The following SOS2 variants were observed in gnomAD, a reference collection of about 807,000 sequenced individuals.
SOS2 encodes son of sevenless homolog 2.
SOS2 carries 65 observed loss-of-function variants against 148.2 expected under a neutral mutation model. The observed-to-expected ratio is 0.44, with a 90% confidence interval of 0.36 to 0.54. The LOEUF (loss-of-function observed/expected upper bound fraction) is 0.54, where lower values mean the gene tolerates loss of function less well. SOS2 is among the 20% of genes least tolerant of loss of function. The probability of loss-of-function intolerance (pLI) is 0.00; values close to 1 mark genes in which losing one functional copy is unlikely to be tolerated. For missense variants in SOS2, 1,341 were observed against 1,590.2 expected, an observed-to-expected ratio of 0.84 and a Z score of 2.67; for synonymous variants, 539 against 537.1, an observed-to-expected ratio of 1.00 and a Z score of -0.05.
intron 14 of SOS2, among the ~76,000 whole-genome samples, chr14:50,145,990 G>A (rs950417962): frequency 6.6e-6 from 1 of 151,716 alleles, no homozygotes; most frequent in African/African-American, 2.4e-5. Flanking sequence ...AAAATTAGCC[G>A]GGCATGGTGG....
At chr14:50,185,363 T>C (rs920165980) in intron 5 of SOS2, among the ~76,000 whole-genome samples, 1 of 152,114 alleles carries the variant, frequency 6.6e-6, no homozygotes, top group African/African-American at 2.4e-5. Flanking sequence ...AATCCTCACA[T>C]ACGTTGTCAC....
At position 50,150,212 on chromosome 14, in the gene SOS2, C is replaced by A; in HGVS notation, c.2180G>T (p.Trp727Leu). 1 of 1,609,408 alleles carries A rather than the reference C, an allele frequency of 6.2e-7. No individual in the cohort carries two copies. Among genetic ancestry groups the A allele is most frequent in the Non-Finnish European group, 8.5e-7 (1 of 1,175,816 alleles). Reference protein sequence around the residue: ...SSVRGKAMKKWVESIAKIIRR... With the variant: ...SSVRGKAMKKLVESIAKIIRR... ...GATGATCTTAGCAATTGACTCTACCCATTTTTTCATAGCTTTCCCTGGAAA... is the reference window on the plus strand; with the variant it reads ...GATGATCTTAGCAATTGACTCTACCAATTTTTTCATAGCTTTCCCTGGAAA... The change falls in exon 14 of 23, where the codon TGG (tryptophan) becomes TTG (leucine). Residue 727 changes from tryptophan (W) to leucine (L), a missense_variant. Trp to Leu is a moderately conservative substitution (Grantham distance 61). This residue lies in a region of SOS2 where 408 missense variants were observed against 506.6 expected (regional missense o/e 0.81). Transcript: ENST00000216373.
chr14:50,209,572 G>A (rs1471872452), intron 1 of SOS2, among the ~76,000 whole-genome samples: 1 of 151,950 alleles, frequency 6.6e-6, no homozygotes, highest in African/African-American at 2.4e-5. Flanking sequence ...TTCAAGACCA[G>A]TCTGGGCAAC....
rs186137198 is a variant in SOS2 at position 50,229,035 on chromosome 14, C to A, written c.87+2162G>T. Among the ~76,000 whole-genome samples the A allele has an allele frequency of 1.8e-3, 267 of 152,182 alleles. 1 individual carries two copies. The highest frequency in any genetic ancestry group is 3.7e-3 in the Admixed American group (56 of 15,290). On this transcript the variant is annotated intron_variant, in intron 1 of 22. Transcript: ENST00000216373. ...TCTGAATGTGAAGACAGAGACTCCC[C>A]CAAAATGGTAGAAATTCTCATTTTA...
At chr14:50,181,330 C>T (rs1413748581) in intron 6 of SOS2, among the ~76,000 whole-genome samples, 2 of 152,016 alleles carry the variant, frequency 1.3e-5, no homozygotes, top group Admixed American at 1.3e-4. Context: ...CGCCTGTAAT[C>T]CCAGCTACTC....
In SOS2 at chr14:50,159,772, T is replaced by G. The variant is rs1884937142; in HGVS notation, c.1511A>C (p.Asp504Ala). 1 of 1,613,924 alleles carries G rather than the reference T, an allele frequency of 6.2e-7. No individual in the cohort carries two copies. The highest frequency in any genetic ancestry group is 8.5e-7 in the Non-Finnish European group (1 of 1,179,916). The part of the protein sequence containing the change: ...MRKIQICDKE[D>A]TCEHKHAFEL... Reference sequence around the variant, plus strand: ...AAATGCATGCTTGTGCTCACAAGTATCTTCTTTATCACAAATTTGTATTTT... The same window carrying G: ...AAATGCATGCTTGTGCTCACAAGTAGCTTCTTTATCACAAATTTGTATTTT... The change falls in exon 10 of 23, where the codon GAT becomes GCT. Residue 504 changes from aspartate to alanine, a missense_variant. By Grantham distance (126) the Asp-to-Ala change is moderately radical (BLOSUM62 -2). Coordinates refer to ENST00000216373, the MANE Select transcript of SOS2 (RefSeq NM_006939.4).
chr14:50,139,911 C>T (rs765613182), intron 17 of SOS2, 31 bp downstream of exon 17: 1 of 1,103,956 alleles, frequency 9.1e-7, no homozygotes, highest in South Asian at 1.3e-5. Flanking sequence ...ACACGCTCAC[C>T]CTCAAAATAT....
chr14:50,195,611 A>G (rs1460916273), intron 4 of SOS2, among the ~76,000 whole-genome samples: 5 of 152,008 alleles, frequency 3.3e-5, no homozygotes, highest in Non-Finnish European at 5.9e-5. Flanking sequence ...GAATTTAGAA[A>G]TTAGCTGGGC....
At chr14:50,192,801 T>C (rs903042189) in intron 4 of SOS2, among the ~76,000 whole-genome samples, 1 of 152,020 alleles carries the variant, frequency 6.6e-6, no homozygotes, top group African/African-American at 2.4e-5. Context: ...GAGGCAGAGG[T>C]TGCAGTGAGC....
intron 1 of SOS2, among the ~76,000 whole-genome samples, chr14:50,207,080 T>C (rs149140900): frequency 1.0e-3 from 155 of 152,324 alleles, no homozygotes; most frequent in Middle Eastern, 6.8e-3. Flanking sequence ...CCTGGCTTCA[T>C]TGACAAACTC....
chr14:50,209,570 C>T (rs1358931875), intron 1 of SOS2, among the ~76,000 whole-genome samples: 1 of 151,842 alleles, frequency 6.6e-6, no homozygotes, highest in Non-Finnish European at 1.5e-5. Context: ...AGTTCAAGAC[C>T]AGTCTGGGCA....
At chr14:50,180,016 A>T (rs7140267) in intron 7 of SOS2, among the ~76,000 whole-genome samples, 131,685 of 150,460 alleles carry the variant, frequency 0.88, 57,449 homozygotes, top group African/African-American at 0.92. Flanking sequence ...TTTTCTATTT[A>T]TTTTTTGAGA....
chr14:50,189,344 A>AAAAAAAAAAAAAAAAAC (rs1886044003), intron 4 of SOS2, among the ~76,000 whole-genome samples: 1 of 147,310 alleles, frequency 6.8e-6, no homozygotes, highest in Admixed American at 6.8e-5. Context: ...AAAAAAAAAA[A>AAAAAAAAAAAAAAAAAC]AAAAGCAAGC....
At chr14:50,198,030 G>T (rs1376773858) in intron 4 of SOS2, among the ~76,000 whole-genome samples, 1 of 150,376 alleles carries the variant, frequency 6.6e-6, no homozygotes, top group Non-Finnish European at 1.5e-5. Flanking sequence ...GTTAAGGGAG[G>T]AATGAGGAAT....
Position 50,130,559 on chromosome 14 carries a change from T to C in SOS2, c.3279A>G (p.Pro1093=). Residue 1093 remains proline, a synonymous_variant, in exon 20 of 23, where the codon CCA becomes CCG. Coordinates refer to ENST00000216373, the MANE Select transcript of SOS2 (RefSeq NM_006939.4). The part of the protein sequence containing the change: ...PTSPNTPSTP[P]VSASSDLSVF... ...CACTAAGGTCTGAAGAAGCAGATAC[T>C]GGTGGAGTAGATGGTGTATTTGGAG... 6.2e-7 allele frequency: 1 copy of C among 1,613,930 alleles called. No homozygotes were observed. Among genetic ancestry groups the C allele is most frequent in the South Asian group, 1.1e-5 (1 of 91,078 alleles).
intron 8 of SOS2, among the ~76,000 whole-genome samples, chr14:50,166,884 G>A (rs1239284990): frequency 6.6e-6 from 1 of 152,042 alleles, no homozygotes; most frequent in Non-Finnish European, 1.5e-5. Flanking sequence ...GAGTGGAGTT[G>A]GTAATTTGGT....
intron 4 of SOS2, among the ~76,000 whole-genome samples, chr14:50,189,031 C>T (rs1886018267): frequency 6.7e-6 from 1 of 150,314 alleles, no homozygotes; most frequent in South Asian, 2.1e-4. Flanking sequence ...CACCACTGCA[C>T]TCCAGCCTGG....
intron 7 of SOS2, among the ~76,000 whole-genome samples, chr14:50,178,797 G>A (rs1398816848): frequency 2.7e-5 from 4 of 149,306 alleles, no homozygotes; most frequent in South Asian, 2.1e-4. Context: ...GTAGTGGCAC[G>A]ATCTCGGCTC....
At chr14:50,206,708 C>T (rs1332540488) in intron 1 of SOS2, among the ~76,000 whole-genome samples, 1 of 152,116 alleles carries the variant, frequency 6.6e-6, no homozygotes, top group African/African-American at 2.4e-5. Context: ...AATCTAGAAG[C>T]AAATTTCTTT....
Sources: allele counts gnomAD v4.1 joint callset (sites outside exome capture counted in the v4.1 genomes callset), GRCh38; gene constraint gnomAD v4.1.1; regional missense constraint gnomAD v4.1.1; transcripts MANE v1.5; gene names NCBI Gene and HGNC (gene_info 2026-07-23, HGNC 2026-07-21).